Variants in MARCHF11 observed in about 807,000 individuals in gnomAD.
MARCHF11 encodes the protein membrane associated ring-CH-type finger 11, also known as E3 ubiquitin-protein ligase MARCHF11.
A neutral mutation model predicts 37.3 loss-of-function variants in MARCHF11; 29 were observed. The ratio of observed to expected loss-of-function variants is 0.78; its 90% CI spans 0.58 to 1.06. The LOEUF (loss-of-function observed/expected upper bound fraction) is 1.06. Ranked by LOEUF, MARCHF11 falls within the 50% of genes least tolerant of loss-of-function variation. MARCHF11 has a pLI of 0.00. For missense variants in MARCHF11, 482 were observed against 533.4 expected (o/e 0.90, Z 0.95); for synonymous variants, 233 against 228.0 (o/e 1.02, Z -0.20).
intron 2 of MARCHF11, among the ~76,000 whole-genome samples, chr5:16,094,270 T>C (rs564529185): frequency 2.7e-3 from 412 of 152,266 alleles, no homozygotes; most frequent in African/African-American, 9.2e-3. Flanking sequence ...TCCTTGTCCT[T>C]GGAGGGTGTG....
intron 2 of MARCHF11, among the ~76,000 whole-genome samples, chr5:16,124,666 T>TGGA (rs1737370921): frequency 6.6e-6 from 1 of 152,176 alleles, no homozygotes; most frequent in African/African-American, 2.4e-5. Flanking sequence ...GAGTCAAAAC[T>TGGA]GGAGGCATGT....
chr5:16,110,621 A>T (rs1399247975), intron 2 of MARCHF11, among the ~76,000 whole-genome samples: 8 of 152,362 alleles, frequency 5.3e-5, no homozygotes, highest in Non-Finnish European at 8.8e-5. Flanking sequence ...GACAAAGGTA[A>T]GATGATTTAC....
chr5:16,118,160 G>A (rs998401392), intron 2 of MARCHF11, among the ~76,000 whole-genome samples: 1 of 152,202 alleles, frequency 6.6e-6, no homozygotes, highest in Non-Finnish European at 1.5e-5. Flanking sequence ...CCATAGATGG[G>A]ACGCGCGGGG....
chr5:16,088,826 TC>T (rs1329370975), intron 3 of MARCHF11, among the ~76,000 whole-genome samples: 2 of 152,082 alleles, frequency 1.3e-5, no homozygotes, highest in Non-Finnish European at 2.9e-5. Flanking sequence ...AAAAGTGCCG[TC>T]AATATTTAAG....
intron 2 of MARCHF11, among the ~76,000 whole-genome samples, chr5:16,111,940 G>A (rs1259550431): frequency 1.3e-5 from 2 of 152,198 alleles, no homozygotes; most frequent in South Asian, 2.1e-4. Context: ...GAGGGTGCAA[G>A]CCCCAAGCTT....
intron 2 of MARCHF11, among the ~76,000 whole-genome samples, chr5:16,134,998 T>TCTCACG (rs137865822): frequency 1.4e-5 from 2 of 143,704 alleles, no homozygotes; most frequent in Admixed American, 1.4e-4. Context: ...TCTCTCTCTC[T>TCTCACG]CACACACACA....
chr5:16,090,300 T>C (rs185233706), intron 3 of MARCHF11, among the ~76,000 whole-genome samples: 16 of 152,280 alleles, frequency 1.1e-4, no homozygotes, highest in Admixed American at 5.2e-4. Flanking sequence ...AACGTTTTTG[T>C]AGGGTTTATT....
intron 2 of MARCHF11, 68 bp downstream of exon 2, chr5:16,177,658 T>A: frequency 3.0e-6 from 4 of 1,331,628 alleles, no homozygotes; most frequent in Non-Finnish European, 4.0e-6. Context: ...TCCTTAGTAA[T>A]AACTAAGCTT....
At chr5:16,140,610 T>C (rs966761259) in intron 2 of MARCHF11, among the ~76,000 whole-genome samples, 3 of 152,094 alleles carry the variant, frequency 2.0e-5, no homozygotes, top group Admixed American at 2.0e-4. Flanking sequence ...TTCTATGAAA[T>C]CGACATAACC....
At chr5:16,149,815 C>A (rs1737861802) in intron 2 of MARCHF11, among the ~76,000 whole-genome samples, 1 of 152,140 alleles carries the variant, frequency 6.6e-6, no homozygotes, top group African/African-American at 2.4e-5. Flanking sequence ...TGGACCTGCA[C>A]CCGTGGTACA....
intron 2 of MARCHF11, among the ~76,000 whole-genome samples, chr5:16,165,217 T>G (rs1437306114): frequency 6.6e-6 from 1 of 152,114 alleles, no homozygotes; most frequent in Non-Finnish European, 1.5e-5. Context: ...CGCTTCTACC[T>G]GTTCTTGGCC....
At chr5:16,093,459 T>C (rs532536896) in intron 2 of MARCHF11, among the ~76,000 whole-genome samples, 1 of 152,282 alleles carries the variant, frequency 6.6e-6, no homozygotes, top group South Asian at 2.1e-4. Context: ...TGCTTGGATT[T>C]GGCAGGATGG....
rs184391131 is a variant in MARCHF11, at chr5:16,160,013, G to A, written c.693+17713C>T. ...CTAAGCAAAATAAAATACCATCTTC[G>A]AAAATCTGAAGCCAAACAAAAGAAG... On this transcript the variant is annotated intron_variant, in intron 2 of 3. Coordinates refer to ENST00000332432, the MANE Select transcript of MARCHF11 (RefSeq NM_001102562.3). 4.5e-3 allele frequency among the ~76,000 whole-genome samples: 690 copies of A among 151,682 alleles called. 2 individuals carry two copies. The highest frequency in any genetic ancestry group is 7.0e-3 in the Non-Finnish European group (474 of 67,830).
At chr5:16,139,087 A>C (rs1288620860) in intron 2 of MARCHF11, among the ~76,000 whole-genome samples, 1 of 152,168 alleles carries the variant, frequency 6.6e-6, no homozygotes, top group Non-Finnish European at 1.5e-5. Context: ...ACATGAGGAC[A>C]TGAGATTTGG....
At chr5:16,076,004 G>C (rs1161074664) in intron 3 of MARCHF11, among the ~76,000 whole-genome samples, 1 of 152,228 alleles carries the variant, frequency 6.6e-6, no homozygotes, top group African/African-American at 2.4e-5. Flanking sequence ...GAGATACTGG[G>C]CTGTGCCCAG....
intron 2 of MARCHF11, among the ~76,000 whole-genome samples, chr5:16,168,400 G>T (rs1259072527): frequency 6.6e-6 from 1 of 152,086 alleles, no homozygotes; most frequent in Non-Finnish European, 1.5e-5. Context: ...TTGTAATCTT[G>T]TTGGCTTCGC....
At chr5:16,080,130 C>T (rs1736583040) in intron 3 of MARCHF11, among the ~76,000 whole-genome samples, 1 of 152,200 alleles carries the variant, frequency 6.6e-6, no homozygotes. Context: ...GAACTCACCT[C>T]TGAACCCCCT....
chr5:16,105,935 T>A (rs1737032205), intron 2 of MARCHF11, among the ~76,000 whole-genome samples: 1 of 152,078 alleles, frequency 6.6e-6, no homozygotes, highest in South Asian at 2.1e-4. Context: ...CAGTATAACA[T>A]CTGATTTTTA....
chr5:16,143,929 G>T (rs1737759725), intron 2 of MARCHF11, among the ~76,000 whole-genome samples: 1 of 152,174 alleles, frequency 6.6e-6, no homozygotes, highest in South Asian at 2.1e-4. Flanking sequence ...CCTGTAGTCA[G>T]TAGATCCCAC....
Sources: allele counts gnomAD v4.1 joint callset (sites outside exome capture counted in the v4.1 genomes callset), GRCh38; gene constraint gnomAD v4.1.1; transcripts MANE v1.5; gene names NCBI Gene and HGNC (gene_info 2026-07-23, HGNC 2026-07-21).